The following PCDHGA7 variants were observed in gnomAD, a reference collection of about 807,000 sequenced individuals.
PCDHGA7 encodes the protein protocadherin gamma-A7.
In PCDHGA7, 44 loss-of-function variants were observed where a neutral mutation model predicts 58.3. The ratio of observed to expected loss-of-function variants is 0.75; its 90% CI spans 0.59 to 0.97. The LOEUF (loss-of-function observed/expected upper bound fraction) is 0.97, where lower values mean the gene tolerates loss of function less well. PCDHGA7 is among the 50% of genes least tolerant of loss of function. The probability of loss-of-function intolerance (pLI) is 0.00; values close to 1 mark genes in which losing one functional copy is unlikely to be tolerated. For missense variants in PCDHGA7, 1,266 were observed against 1,188.7 expected, an observed-to-expected ratio of 1.06 and a Z score of -0.96; for synonymous variants, 516 against 504.2, an observed-to-expected ratio of 1.02 and a Z score of -0.31.
chr5:141,450,569 T>G (rs1325535745), intron 1 of PCDHGA7, among the ~76,000 whole-genome samples: 1 of 149,800 alleles, frequency 6.7e-6, no homozygotes, highest in African/African-American at 2.5e-5. Flanking sequence ...TCACTGCAAC[T>G]TCTGCCTCCC....
chr5:141,483,620 A>G (rs192148102), intron 1 of PCDHGA7, among the ~76,000 whole-genome samples: 472 of 151,650 alleles, frequency 3.1e-3, no homozygotes, highest in Non-Finnish European at 5.0e-3. Context: ...CATCATTCCC[A>G]TGGGAGAAGG....
chr5:141,398,374 G>C (rs769693333), intron 1 of PCDHGA7: 3 of 1,438,680 alleles, frequency 2.1e-6, no homozygotes, highest in African/African-American at 1.4e-5. Flanking sequence ...AGAGAGCGGG[G>C]AGTTGCTTGT....
chr5:141,399,780 A>G (rs1444494014), intron 1 of PCDHGA7: 1 of 1,613,288 alleles, frequency 6.2e-7, no homozygotes, highest in Non-Finnish European at 8.5e-7. Flanking sequence ...TGGGCGACCG[A>G]AACGACAACG....
rs199936765 is a variant in PCDHGA7 at position 141,408,488 on chromosome 5, T to G, written c.2424+23165T>G. Reference sequence around the variant, plus strand: ...GAACCGAATAGACCGTGAGCAAATATGCAAAGAGAGAAGAAGATGTGAGTT... The same window carrying G: ...GAACCGAATAGACCGTGAGCAAATAGGCAAAGAGAGAAGAAGATGTGAGTT... On this transcript the variant is annotated intron_variant, in intron 1 of 3. Transcript: ENST00000518325. 8.1e-5 allele frequency: 130 copies of G among 1,614,012 alleles called. No individual in the cohort carries two copies. The Middle Eastern group carries it at 1.8e-3, about 23-fold the overall frequency.
At chr5:141,433,397 A>G (rs189987785) in intron 1 of PCDHGA7, among the ~76,000 whole-genome samples, 270 of 150,524 alleles carry the variant, frequency 1.8e-3, no homozygotes, top group Non-Finnish European at 3.1e-3. Context: ...CTATCTATCT[A>G]TCTATCTATT....
chr5:141,489,288 G>A lies in PCDHGA7; in HGVS notation c.2425-5519G>A. 6.3e-7 allele frequency: 1 copy of A among 1,575,870 alleles called. No homozygotes were observed. Among genetic ancestry groups the A allele is most frequent in the Non-Finnish European group, 8.6e-7 (1 of 1,161,152 alleles). On this transcript the variant is annotated intron_variant, in intron 1 of 3. Coordinates refer to ENST00000518325, the MANE Select transcript of PCDHGA7 (RefSeq NM_018920.4). The surrounding 1 kb of genome is among the most constrained non-coding windows in gnomAD (Gnocchi z 4.5). ...AGCTCGCTGGGAAATGGCAAGTGCT[G>A]TGCATGTTGTCCTTGTGCTGCTGGG...
intron 1 of PCDHGA7, chr5:141,413,663 AT>A (rs1344545568): frequency 6.2e-7 from 1 of 1,613,844 alleles, no homozygotes; most frequent in African/African-American, 1.3e-5. Flanking sequence ...GAAGCTATTG[AT>A]CCGGATGTGG....
intron 2 of PCDHGA7, among the ~76,000 whole-genome samples, chr5:141,502,705 T>C (rs1475675789): frequency 6.6e-6 from 1 of 152,248 alleles, no homozygotes; most frequent in African/African-American, 2.4e-5. Context: ...TATCTGTTTT[T>C]ACATCAGTGA....
intron 3 of PCDHGA7, 149 bp downstream of exon 3, chr5:141,505,630 A>T: frequency 6.8e-7 from 1 of 1,480,262 alleles, no homozygotes; most frequent in East Asian, 2.4e-5. Flanking sequence ...AATTCCAAAC[A>T]TAAAGCCTGG....
chr5:141,422,165 A>G (rs771382434), intron 1 of PCDHGA7: 3 of 1,569,306 alleles, frequency 1.9e-6, no homozygotes, highest in Admixed American at 4.0e-5. Flanking sequence ...TTTGAAAAAT[A>G]TAGATTCTAT....
chr5:141,425,962 C>T (rs2096906059), intron 1 of PCDHGA7, among the ~76,000 whole-genome samples: 2 of 152,236 alleles, frequency 1.3e-5, no homozygotes, highest in African/African-American at 2.4e-5. Flanking sequence ...TAGTCCAACA[C>T]ATCAGTCTAA....
In PCDHGA7 at chr5:141,382,780, A is replaced by G. The variant is rs1050419701; in HGVS notation, c.-120A>G. On this transcript the variant is annotated 5_prime_UTR_variant, in exon 1 of 4. Coordinates refer to ENST00000518325, the MANE Select transcript of PCDHGA7 (RefSeq NM_018920.4). ...CCCTCTTCCAGGCTGCACTAAACTC[A>G]AGCCTCTATCCTGCTGGATTCTGAG... 10 of 836,240 alleles carry G rather than the reference A, an allele frequency of 1.2e-5. No homozygotes were observed. The South Asian group carries it at 2.0e-4, about 17-fold the overall frequency. 51.8% of individuals were successfully genotyped at this position (836,240 alleles called of 1,614,324 possible). A position where few individuals can be genotyped will look rare whatever the true frequency, so the allele number is the denominator to read the frequency against.
Position 141,419,652 on chromosome 5 carries a change from C to T in PCDHGA7, c.2424+34329C>T, listed in dbSNP as rs563445438. 15 of 1,612,592 alleles carry T rather than the reference C, an allele frequency of 9.3e-6. 1 individual carries two copies. In the Admixed American group the frequency reaches 1.3e-4, roughly 14 times the overall value. On this transcript the variant is annotated intron_variant, in intron 1 of 3. Transcript: ENST00000518325. ...AAGGTGGTGGCCGTGGACGCGGACT[C>T]GGGGCACAATGCCTGGCTGTCCTAC... is the stretch of plus-strand genomic sequence containing the variant.
chr5:141,393,922 G>C (rs750880965), intron 1 of PCDHGA7: 16 of 1,613,832 alleles, frequency 9.9e-6, no homozygotes, highest in Middle Eastern at 1.6e-4. Context: ...GCCTTCTTGA[G>C]TGTGCATGAC....
At chr5:141,398,608 G>C in intron 1 of PCDHGA7, 4 of 1,614,062 alleles carry the variant, frequency 2.5e-6, no homozygotes, top group Non-Finnish European at 3.4e-6. Context: ...AGAAGATGCA[G>C]ATATTGGCTT....
At chr5:141,400,777 T>G (rs2094073733) in intron 1 of PCDHGA7, 1 of 565,634 alleles carries the variant, frequency 1.8e-6, no homozygotes. Context: ...ATTTGGTGCG[T>G]TTTTTTGTCC....
Position 141,485,436 on chromosome 5 carries a change from A to G in PCDHGA7, c.2425-9371A>G, listed in dbSNP as rs2099613369. On this transcript the variant is annotated intron_variant, in intron 1 of 3. Transcript: ENST00000518325. This position sits in a 1 kb window ranked among gnomAD's most constrained non-coding sequence, Gnocchi z 5.7. ...GACAGCGGAGCCCTGCTCATCAAGA[A>G]CCCAATCGACCGAGAGGCACTGTGT... 1.9e-6 allele frequency: 3 copies of G among 1,614,092 alleles called. No individual in the cohort carries two copies. The highest frequency in any genetic ancestry group is 2.7e-5 in the African/African-American group (2 of 74,934).
At chr5:141,387,557 G>A in intron 1 of PCDHGA7, 1 of 416,144 alleles carries the variant, frequency 2.4e-6, no homozygotes. Flanking sequence ...TTTCAGTTAG[G>A]CACACAATTA....
Position 141,485,920 on chromosome 5 carries a change from T to C in PCDHGA7, c.2425-8887T>C, listed in dbSNP as rs1374948804. ...CCTTCCAGCAATCCAGCTACAGGAT[T>C]AGTGTGTTGGAGAGCGCACCAGCGG... On this transcript the variant is annotated intron_variant, in intron 1 of 3. Transcript: ENST00000518325. This position sits in a 1 kb window ranked among gnomAD's most constrained non-coding sequence, Gnocchi z 5.7. 1.2e-6 allele frequency: 2 copies of C among 1,614,038 alleles called. No individual in the cohort carries two copies. Among genetic ancestry groups the C allele is most frequent in the Non-Finnish European group, 1.7e-6 (2 of 1,180,010 alleles).
Sources: gnomAD v4.1 joint callset for allele counts (sites outside exome capture counted in the v4.1 genomes callset) on GRCh38, gnomAD v4.1.1 for gene constraint, Gnocchi (gnomAD v3.1) non-coding constraint, MANE v1.5 for transcripts, NCBI Gene and HGNC (gene_info 2026-07-23, HGNC 2026-07-21) for gene names.